NBEA: variants seen among roughly 807,000 people sequenced by gnomAD.
The protein encoded by NBEA is lysosomal-trafficking regulator 2.
Under a neutral mutation model 343.4 loss-of-function variants are expected in NBEA, and 44 were observed. That is an observed-to-expected ratio of 0.13 (90% CI 0.10 to 0.16). NBEA has a LOEUF of 0.16. NBEA is among the 10% of genes least tolerant of loss of function. The pLI, the probability that NBEA is intolerant of heterozygous loss-of-function variation, is 1.00. For synonymous variants in NBEA, 1,175 were observed against 1,238.7 expected (o/e 0.95, Z 1.08); for missense variants, 2,555 against 3,631.3 (o/e 0.70, Z 7.62).
chr13:35,053,071 G>A (rs892401643), intron 6 of NBEA, among the ~76,000 whole-genome samples: 2 of 152,046 alleles, frequency 1.3e-5, no homozygotes, highest in South Asian at 4.2e-4. Context: ...AGCTTATGGT[G>A]TCTTACCTAA....
intron 10 of NBEA, among the ~76,000 whole-genome samples, chr13:35,087,389 G>T (rs2064829064): frequency 6.6e-6 from 1 of 151,792 alleles, no homozygotes; most frequent in Non-Finnish European, 1.5e-5. Flanking sequence ...GTACACTCTG[G>T]AGAAGTCCAG....
chr13:35,204,725 G>T (rs1247346932), intron 31 of NBEA, among the ~76,000 whole-genome samples: 1 of 152,090 alleles, frequency 6.6e-6, no homozygotes, highest in East Asian at 1.9e-4. Flanking sequence ...GAATAGTTTA[G>T]TTCAATGGCT....
At chr13:35,133,897 G>T (rs991160482) in intron 17 of NBEA, among the ~76,000 whole-genome samples, 1 of 151,828 alleles carries the variant, frequency 6.6e-6, no homozygotes, top group Admixed American at 6.6e-5. Context: ...TTACTAAGTT[G>T]GTTGGTGGTT....
intron 44 of NBEA, among the ~76,000 whole-genome samples, chr13:35,558,440 G>C (rs12876640): frequency 1.3e-5 from 2 of 152,146 alleles, no homozygotes; most frequent in Non-Finnish European, 1.5e-5. Flanking sequence ...GAGTTCACTA[G>C]AAAGTAGGCA....
At chr13:35,176,335 A>G (rs778005402) in intron 27 of NBEA, among the ~76,000 whole-genome samples, 49 of 152,166 alleles carry the variant, frequency 3.2e-4, no homozygotes, top group Non-Finnish European at 5.4e-4. Flanking sequence ...CATTATACAT[A>G]TTATCTAATT....
intron 41 of NBEA, among the ~76,000 whole-genome samples, chr13:35,516,640 C>T (rs943446049): frequency 1.3e-5 from 2 of 152,072 alleles, no homozygotes; most frequent in Admixed American, 1.3e-4. Flanking sequence ...ATTCATGCCA[C>T]ATTCTGTTTT....
chr13:35,367,526 G>A (rs2041188899), intron 38 of NBEA, among the ~76,000 whole-genome samples: 1 of 149,394 alleles, frequency 6.7e-6, no homozygotes, highest in Non-Finnish European at 1.5e-5. Context: ...ATATCTCCTT[G>A]TGCATACTGT....
intron 38 of NBEA, among the ~76,000 whole-genome samples, chr13:35,375,007 A>G (rs1379287479): frequency 6.6e-6 from 1 of 152,192 alleles, no homozygotes; most frequent in Non-Finnish European, 1.5e-5. Context: ...AAACAATACC[A>G]ACTTCAATAC....
chr13:35,127,494 A>G (rs1301599891), intron 17 of NBEA, among the ~76,000 whole-genome samples: 3 of 152,192 alleles, frequency 2.0e-5, no homozygotes, highest in Non-Finnish European at 4.4e-5. Context: ...ATATGCTAAT[A>G]ATGTACAAAT....
intron 35 of NBEA, among the ~76,000 whole-genome samples, chr13:35,294,732 A>G (rs1184768795): frequency 6.6e-6 from 1 of 152,216 alleles, no homozygotes; most frequent in African/African-American, 2.4e-5. Flanking sequence ...CCTGATACTT[A>G]AAACTGAATA....
chr13:35,136,772 C>T (rs1452516697), intron 17 of NBEA, among the ~76,000 whole-genome samples: 1 of 152,160 alleles, frequency 6.6e-6, no homozygotes, highest in African/African-American at 2.4e-5. Context: ...ATGTAGACAT[C>T]AGGTCAGAAT....
intron 10 of NBEA, among the ~76,000 whole-genome samples, chr13:35,082,700 C>T (rs1042415305): frequency 6.6e-6 from 1 of 151,986 alleles, no homozygotes; most frequent in Admixed American, 6.6e-5. Flanking sequence ...GTGTCTTTTG[C>T]CTGCAAAAAT....
chr13:35,607,227 A>G (rs561695946), intron 48 of NBEA, among the ~76,000 whole-genome samples: 5 of 152,138 alleles, frequency 3.3e-5, no homozygotes, highest in Admixed American at 1.3e-4. Flanking sequence ...TTTTTAAAAA[A>G]GATTTTTTTT....
At chr13:35,035,922 T>C (rs1166465423) in intron 1 of NBEA, among the ~76,000 whole-genome samples, 2 of 152,006 alleles carry the variant, frequency 1.3e-5, no homozygotes, top group Non-Finnish European at 2.9e-5. Context: ...GAAGTGTGTT[T>C]CTTTTAGGCA....
rs777996791 is a variant in NBEA, at chr13:34,958,606, G to C, written c.294+15492G>C. Among the ~76,000 whole-genome samples the C allele has an allele frequency of 2.0e-5, 3 of 151,658 alleles. No homozygotes were observed. The South Asian group carries it at 6.2e-4, about 31-fold the overall frequency. On this transcript the variant is annotated intron_variant, in intron 1 of 58. Transcript: ENST00000379939. ...GTTTAAATGCATAGGTGTAAGTTTAGGCCCTGGGGAGACTGGAGGTGCTTT... is the reference window on the plus strand; with the variant it reads ...GTTTAAATGCATAGGTGTAAGTTTACGCCCTGGGGAGACTGGAGGTGCTTT...
chr13:35,123,043 G>A (rs375905649), intron 16 of NBEA, among the ~76,000 whole-genome samples: 60 of 152,302 alleles, frequency 3.9e-4, no homozygotes, highest in African/African-American at 1.4e-3. Flanking sequence ...TGTAATTCCA[G>A]CACTTTGGGA....
At chr13:35,294,092 C>G (rs1468774515) in intron 35 of NBEA, among the ~76,000 whole-genome samples, 1 of 151,966 alleles carries the variant, frequency 6.6e-6, no homozygotes, top group Non-Finnish European at 1.5e-5. Flanking sequence ...AAGTCACTAA[C>G]ATGAATTATT....
At chr13:35,117,284 C>A in intron 13 of NBEA, 130 bp from the exon 14 acceptor site, 1 of 329,948 alleles carries the variant, frequency 3.0e-6, no homozygotes, top group Non-Finnish European at 5.2e-6. Flanking sequence ...AATTTTATAG[C>A]ATTAATATAA....
intron 38 of NBEA, among the ~76,000 whole-genome samples, chr13:35,384,521 C>CTTT (rs938208413): frequency 6.1e-4 from 73 of 118,994 alleles, no homozygotes; most frequent in Middle Eastern, 4.9e-3. Flanking sequence ...CTTGAATAAT[C>CTTT]TTTTTTTTTT....
Sources: allele counts gnomAD v4.1 joint callset (sites outside exome capture counted in the v4.1 genomes callset), GRCh38; gene constraint gnomAD v4.1.1; transcripts MANE v1.5; gene names NCBI Gene and HGNC (gene_info 2026-07-23, HGNC 2026-07-21).